Variants in POLR1G observed in about 807,000 individuals in gnomAD.
The protein encoded by POLR1G is RNA polymerase I subunit G.
A neutral mutation model predicts 6.3 loss-of-function variants in POLR1G; 9 were observed. That is an observed-to-expected ratio of 1.44 (90% CI 0.87 to 2.51). The LOEUF (loss-of-function observed/expected upper bound fraction) is 2.51, where lower values mean the gene tolerates loss of function less well. POLR1G is among the 30% of genes most tolerant of loss of function. POLR1G has a pLI of 0.00. For missense variants in POLR1G, 617 were observed against 632.5 expected (o/e 0.98, Z 0.26); for synonymous variants, 248 against 256.5 (o/e 0.97, Z 0.32).
chr19:45,406,785 G>C lies in POLR1G; in HGVS notation c.22+67G>C. 1 of 1,432,590 alleles carries C rather than the reference G, an allele frequency of 7.0e-7. No homozygotes were observed. The highest frequency in any genetic ancestry group is 9.3e-7 in the Non-Finnish European group (1 of 1,077,020). 88.7% of individuals were successfully genotyped at this position (1,432,590 alleles called of 1,614,324 possible). ...GAAGGAGAAAGGGGCGTCCGAGAGG[G>C]TTCGGGCGGAAAAGGAGGCGTACCT... is the stretch of plus-strand genomic sequence containing the variant. On this transcript the variant is annotated intron_variant, in intron 1 of 2. Transcript: ENST00000309424. This position sits in a 1 kb window ranked among gnomAD's most constrained non-coding sequence, Gnocchi z 4.2.
chr19:45,408,574 TTTGGGG>T lies in POLR1G; in HGVS notation c.608_613del (p.Leu203_Gly204del), dbSNP rs773336535. Reference sequence around the variant, plus strand: ...ACGGGGCCCTGGAGGTGGACATGGCTTTGGGGTCGCCAGAAATGGATGTGCGGAAGA... The same window carrying T: ...ACGGGGCCCTGGAGGTGGACATGGCTTCGCCAGAAATGGATGTGCGGAAGA... On this transcript the variant is annotated inframe_deletion, in exon 3 of 3. Coordinates refer to ENST00000309424, the MANE Select transcript of POLR1G (RefSeq NM_012099.3). 3 of 1,612,928 alleles carry T rather than the reference TTTGGGG, an allele frequency of 1.9e-6. No homozygotes were observed. In the South Asian group the frequency reaches 3.3e-5, roughly 18 times the overall value.
In POLR1G at chr19:45,406,932, G is replaced by T; in HGVS notation, c.23-162G>T. 9.3e-7 allele frequency: 1 copy of T among 1,078,356 alleles called. No homozygotes were observed. Among genetic ancestry groups the T allele is most frequent in the African/African-American group, 1.6e-5 (1 of 61,890 alleles). 66.8% of individuals were successfully genotyped at this position (1,078,356 alleles called of 1,614,324 possible). On this transcript the variant is annotated intron_variant, in intron 1 of 2. Transcript: ENST00000309424. The surrounding 1 kb of genome is among the most constrained non-coding windows in gnomAD (Gnocchi z 4.2). Reference sequence around the variant, plus strand: ...AGGCGCCCCCAGGGGTTGGATCGGTGAAATTGAGGTCGCCCCTGGGGAACA... The same window carrying T: ...AGGCGCCCCCAGGGGTTGGATCGGTTAAATTGAGGTCGCCCCTGGGGAACA...
Position 45,408,521 on chromosome 19 carries a change from C to G in POLR1G, c.553C>G (p.Pro185Ala). 6.2e-7 allele frequency: 1 copy of G among 1,614,004 alleles called. No homozygotes were observed. Among genetic ancestry groups the G allele is most frequent in the Non-Finnish European group, 8.5e-7 (1 of 1,179,998 alleles). The change falls in exon 3 of 3, where the codon CCA (proline) becomes GCA (alanine). Residue 185 changes from proline to alanine, a missense_variant. Coordinates refer to ENST00000309424, the MANE Select transcript of POLR1G (RefSeq NM_012099.3). ...KKKEMQVTEA[P>A]VTQEAVNGHG... is the part of the protein sequence containing the mutation. ...AAAGGAGATGCAGGTGACAGAGGCC[C>G]CAGTCACTCAGGAGGCAGTGAATGG... is the stretch of plus-strand genomic sequence containing the variant.
rs1599794588 is a variant in POLR1G at position 45,409,234 on chromosome 19, G to C, written c.1266G>C (p.Lys422Asn). The C allele has an allele frequency of 1.4e-6, 1 of 712,688 alleles. No homozygotes were observed. The highest frequency in any genetic ancestry group is 4.1e-5 in the South Asian group (1 of 24,516). The allele number at this position is 712,688 out of a possible 1,614,324, so 44.1% of individuals were successfully genotyped here. A position where few individuals can be genotyped will look rare whatever the true frequency, so the allele number is the denominator to read the frequency against. ...CTCAGGCAGCTCCCACATCCACCAA[G>C]AAGAAGAAGAAGAAGAAAGAGAGAG... ...LEPQAAPTST[K>N]KKKKKKERGH... Residue 422 changes from lysine to asparagine, a missense_variant, in exon 3 of 3, where the codon AAG (lysine) becomes AAC (asparagine). By Grantham distance (94) the Lys-to-Asn change is moderately conservative (BLOSUM62 0). Coordinates refer to ENST00000309424, the MANE Select transcript of POLR1G (RefSeq NM_012099.3).
chr19:45,408,103 A>G, intron 2 of POLR1G, 30 bp from the exon 3 acceptor site: 3 of 1,548,086 alleles, frequency 1.9e-6, no homozygotes, highest in Non-Finnish European at 2.6e-6. Flanking sequence ...GTTCCACTTA[A>G]GCCTCTGCCC....
At chr19:45,407,845 C>G (rs1805481324) in intron 2 of POLR1G, 1 of 302,330 alleles carries the variant, frequency 3.3e-6, no homozygotes, top group Non-Finnish European at 6.1e-6. Flanking sequence ...CACTTGAGGT[C>G]AGGAGTTCAA....
rs199701462 is a variant in POLR1G, at chr19:45,409,310, G to A, written c.1342G>A (p.Glu448Lys). 6.2e-7 allele frequency: 1 copy of A among 1,614,118 alleles called. No individual in the cohort carries two copies. Among genetic ancestry groups the A allele is most frequent in the East Asian group, 2.2e-5 (1 of 44,868 alleles). Reference protein sequence around the residue: ...IQPLEPELPGEGQPEARATPG... With the variant: ...IQPLEPELPGKGQPEARATPG... Reference sequence around the variant, plus strand: ...GCCACTAGAGCCTGAACTGCCAGGGGAGGGACAGCCTGAAGCCAGGGCAAC... The same window carrying A: ...GCCACTAGAGCCTGAACTGCCAGGGAAGGGACAGCCTGAAGCCAGGGCAAC... The change falls in exon 3 of 3, where the codon GAG (glutamate) becomes AAG (lysine). Residue 448 changes from glutamate to lysine, a missense_variant. Coordinates refer to ENST00000309424, the MANE Select transcript of POLR1G (RefSeq NM_012099.3).
chr19:45,409,692 A>G lies in POLR1G; in HGVS notation c.*191A>G. On this transcript the variant is annotated 3_prime_UTR_variant, in exon 3 of 3. Transcript: ENST00000309424. ...TGGGGTCATCAGGGTACTTTCAAGA[A>G]GGGCTCGTGCAGGACATCAAACAGC... 9.7e-7 allele frequency: 1 copy of G among 1,033,958 alleles called. No homozygotes were observed. Among genetic ancestry groups the G allele is most frequent in the Non-Finnish European group, 1.5e-6 (1 of 650,322 alleles). The allele number at this position is 1,033,958 out of a possible 1,614,324, so 64.0% of individuals were successfully genotyped here.
rs1973551420 is a variant in POLR1G, at chr19:45,409,466, A to C, written c.1498A>C (p.Lys500Gln). 2 of 1,611,822 alleles carry C rather than the reference A, an allele frequency of 1.2e-6. No individual in the cohort carries two copies. Among genetic ancestry groups the C allele is most frequent in the African/African-American group, 2.7e-5 (2 of 74,896 alleles). The change falls in exon 3 of 3, where the codon AAG (lysine) becomes CAG (glutamine). Residue 500 changes from lysine (K) to glutamine (Q), a missense_variant. Physicochemically the swap from Lys to Gln is moderately conservative, Grantham distance 53. Transcript: ENST00000309424. ...SGEEAPTGRD[K>Q]KRKQQQQQPV ...GGAGGAGGCTCCCACAGGCCGGGAC[A>C]AGAAGCGGAAGCAGCAGCAGCAGCA...
Position 45,408,146 on chromosome 19 carries a change from C to T in POLR1G, c.178C>T (p.His60Tyr). The T allele has an allele frequency of 1.2e-6, 2 of 1,601,214 alleles. No individual in the cohort carries two copies. The highest frequency in any genetic ancestry group is 8.5e-7 in the Non-Finnish European group (1 of 1,170,560). The change falls in exon 3 of 3, where the codon CAT becomes TAT. Residue 60 changes from histidine (H) to tyrosine (Y), a missense_variant. Physicochemically the swap from His to Tyr is moderately conservative, Grantham distance 83. Coordinates refer to ENST00000309424, the MANE Select transcript of POLR1G (RefSeq NM_012099.3). ...TTCTCTCTGTAGCTTCAATGGGCGG[C>T]ATGTGCCTCTCTCTGGCTCCCAGAT... ...DFAPECFNGR[H>Y]VPLSGSQIVK... is the part of the protein sequence containing the mutation.
rs776026821 is a variant in POLR1G at position 45,408,626 on chromosome 19, C to T, written c.658C>T (p.Gln220Ter). Reference sequence around the variant, plus strand: ...GAAGAAGAAGAAGAAAAAAAATCAGCAGCTGAAAGAACCAGAGGCAGCAGG... The same window carrying T: ...GAAGAAGAAGAAGAAAAAAAATCAGTAGCTGAAAGAACCAGAGGCAGCAGG... ...VRKKKKKKNQ[Q>*]LKEPEAAGPV... is the part of the protein sequence containing the mutation. Residue 220 changes from glutamine to a stop codon, truncating the protein, a stop_gained, in exon 3 of 3, where the codon CAG becomes TAG. Coordinates refer to ENST00000309424, the MANE Select transcript of POLR1G (RefSeq NM_012099.3). LOFTEE classifies it low-confidence loss of function (END_TRUNC). 2.4e-5 allele frequency: 38 copies of T among 1,613,556 alleles called. No homozygotes were observed. The highest frequency in any genetic ancestry group is 3.1e-5 in the Non-Finnish European group (36 of 1,180,012).
chr19:45,409,892 ATTAT>A lies in POLR1G; in HGVS notation c.*394_*397del, dbSNP rs1555785240. 4 of 206,476 alleles carry A rather than the reference ATTAT, an allele frequency of 1.9e-5. No homozygotes were observed. Among genetic ancestry groups the A allele is most frequent in the Middle Eastern group, 1.5e-3 (1 of 662 alleles). 12.8% of individuals were successfully genotyped at this position (206,476 alleles called of 1,614,324 possible). ...ATCTTTTTAAGTTATTATTATTATT[ATTAT>A]TTTTTTTTTTTTTGAGATGGAGTCT... On this transcript the variant is annotated 3_prime_UTR_variant, in exon 3 of 3. Transcript: ENST00000309424.
rs1046986625 is a variant in POLR1G, at chr19:45,409,557, C to G, written c.*56C>G. The stretch of plus-strand genomic sequence containing the variant: ...AAGCTGAAGGTGCCCACCTGGGCCA[C>G]CAGAAGGTGACACCCCCAGAATCCC... On this transcript the variant is annotated 3_prime_UTR_variant, in exon 3 of 3. Transcript: ENST00000309424. The G allele has an allele frequency of 1.9e-6, 3 of 1,573,252 alleles. No homozygotes were observed. In the African/African-American group the frequency reaches 4.1e-5, roughly 21 times the overall value.
rs1056830405 is a variant in POLR1G, at chr19:45,409,511, G to T, written c.*10G>T. ...GCAGCAGCCTGTGTAGTCTGCCCCCGGGAAACTGAGGAACTAAAGAAAGCT... is the reference window on the plus strand; with the variant it reads ...GCAGCAGCCTGTGTAGTCTGCCCCCTGGAAACTGAGGAACTAAAGAAAGCT... On this transcript the variant is annotated 3_prime_UTR_variant, in exon 3 of 3. Coordinates refer to ENST00000309424, the MANE Select transcript of POLR1G (RefSeq NM_012099.3). The T allele has an allele frequency of 6.3e-6, 10 of 1,595,014 alleles. No individual in the cohort carries two copies. The Admixed American group carries it at 1.1e-4, about 17-fold the overall frequency.
chr19:45,406,800 G>A lies in POLR1G; in HGVS notation c.22+82G>A, dbSNP rs1413114576. 1.5e-6 allele frequency: 2 copies of A among 1,323,820 alleles called. No individual in the cohort carries two copies. Among genetic ancestry groups the A allele is most frequent in the East Asian group, 2.9e-5 (1 of 35,020 alleles). The allele number at this position is 1,323,820 out of a possible 1,614,324, so 82.0% of individuals were successfully genotyped here. A position where few individuals can be genotyped will look rare whatever the true frequency, so the allele number is the denominator to read the frequency against. On this transcript the variant is annotated intron_variant, in intron 1 of 2. Transcript: ENST00000309424. The surrounding 1 kb of genome is among the most constrained non-coding windows in gnomAD (Gnocchi z 4.2). Reference sequence around the variant, plus strand: ...GTCCGAGAGGGTTCGGGCGGAAAAGGAGGCGTACCTGCAAGCAGGACTTGC... The same window carrying A: ...GTCCGAGAGGGTTCGGGCGGAAAAGAAGGCGTACCTGCAAGCAGGACTTGC...
rs532461242 is a variant in POLR1G, at chr19:45,409,473, G to A, written c.1505G>A (p.Arg502Gln). ...GCTCCCACAGGCCGGGACAAGAAGC[G>A]GAAGCAGCAGCAGCAGCAGCCTGTG... ...EEAPTGRDKK[R>Q]KQQQQQPV Residue 502 changes from arginine to glutamine, a missense_variant, in exon 3 of 3, where the codon CGG becomes CAG. Arg to Gln is a conservative substitution (Grantham distance 43, BLOSUM62 1). Transcript: ENST00000309424. 1.4e-5 allele frequency: 23 copies of A among 1,610,470 alleles called. No individual in the cohort carries two copies. Among genetic ancestry groups the A allele is most frequent in the East Asian group, 2.2e-5 (1 of 44,838 alleles).
At chr19:45,407,338 G>T (rs1973408028) in intron 2 of POLR1G, 103 bp downstream of exon 2, 15 of 1,150,546 alleles carry the variant, frequency 1.3e-5, no homozygotes, top group Non-Finnish European at 1.9e-5. Flanking sequence ...ACAGAGCACA[G>T]TGAAAGAAAC....
rs756285272 is a variant in POLR1G, at chr19:45,408,542, A to C, written c.574A>C (p.Asn192His). 3.1e-6 allele frequency: 5 copies of C among 1,614,072 alleles called. No individual in the cohort carries two copies. Among genetic ancestry groups the C allele is most frequent in the Non-Finnish European group, 3.4e-6 (4 of 1,180,010 alleles). ...GGCCCCAGTCACTCAGGAGGCAGTG[A>C]ATGGGCACGGGGCCCTGGAGGTGGA... ...TEAPVTQEAV[N>H]GHGALEVDMA... The change falls in exon 3 of 3, where the codon AAT (asparagine) becomes CAT (histidine). Residue 192 changes from asparagine (N) to histidine (H), a missense_variant. Coordinates refer to ENST00000309424, the MANE Select transcript of POLR1G (RefSeq NM_012099.3).
intron 2 of POLR1G, 40 bp downstream of exon 2, chr19:45,407,275 G>A: frequency 6.3e-7 from 1 of 1,575,312 alleles, no homozygotes; most frequent in African/African-American, 1.4e-5. Flanking sequence ...TCCCGGTCCA[G>A]ACCCCAAGAG....
Sources: allele counts gnomAD v4.1 joint callset, GRCh38; gene constraint gnomAD v4.1.1; non-coding constraint Gnocchi (gnomAD v3.1); transcripts MANE v1.5; gene names NCBI Gene and HGNC (gene_info 2026-07-23, HGNC 2026-07-21).